CCSER1: variants seen among roughly 807,000 people sequenced by gnomAD.
CCSER1 encodes the protein serine-rich coiled-coil domain-containing protein 1.
Under a neutral mutation model 82.0 loss-of-function variants are expected in CCSER1, and 41 were observed. That is an observed-to-expected ratio of 0.50 (90% confidence interval 0.39 to 0.65). The LOEUF (loss-of-function observed/expected upper bound fraction) is 0.65, where lower values mean the gene tolerates loss of function less well. Ranked by LOEUF, CCSER1 falls within the 30% of genes least tolerant of loss-of-function variation. The pLI is 0.00. For synonymous variants in CCSER1, 414 were observed against 383.9 expected (o/e 1.08, Z -0.92); for missense variants, 1,119 against 1,064.2 (o/e 1.05, Z -0.72).
chr4:90,980,118 A>G (rs1735976157), intron 9 of CCSER1, among the ~76,000 whole-genome samples: 1 of 151,904 alleles, frequency 6.6e-6, no homozygotes, highest in Non-Finnish European at 1.5e-5. Context: ...ATTTCTGGAA[A>G]GGTGATACTT....
chr4:90,798,918 C>A (rs752531548), intron 7 of CCSER1, among the ~76,000 whole-genome samples: 1 of 152,148 alleles, frequency 6.6e-6, no homozygotes, highest in South Asian at 2.1e-4. Flanking sequence ...TCACAACACT[C>A]TGATGGGTGG....
intron 10 of CCSER1, among the ~76,000 whole-genome samples, chr4:91,226,536 T>A (rs959215301): frequency 6.6e-6 from 1 of 151,964 alleles, no homozygotes; most frequent in South Asian, 2.1e-4. Context: ...GTGAAGTGAA[T>A]GGATAAATCT....
rs117846612 is a variant in CCSER1, at chr4:91,146,134, T to C, written c.2217+60140T>C. Among the ~76,000 whole-genome samples the C allele has an allele frequency of 3.7e-4, 57 of 152,320 alleles. 1 individual carries two copies. In the East Asian group the frequency reaches 9.3e-3, roughly 25 times the overall value. ...TTTGTTCATTTTTTAAAATTATTAT[T>C]TTTATGTTCATCTAACTGTACTGAT... is the stretch of plus-strand genomic sequence containing the variant. On this transcript the variant is annotated intron_variant, in intron 10 of 10. Transcript: ENST00000509176.
intron 6 of CCSER1, among the ~76,000 whole-genome samples, chr4:90,684,891 G>A (rs1457459479): frequency 1.3e-5 from 2 of 152,118 alleles, no homozygotes; most frequent in African/African-American, 4.8e-5. Flanking sequence ...GGCGTGACTT[G>A]CTCCTCCTTG....
intron 10 of CCSER1, among the ~76,000 whole-genome samples, chr4:91,478,687 T>G (rs1467393231): frequency 1.3e-5 from 2 of 151,918 alleles, no homozygotes; most frequent in Admixed American, 1.3e-4. Flanking sequence ...CGAAATGGTA[T>G]AACTATGGGC....
intron 3 of CCSER1, among the ~76,000 whole-genome samples, chr4:90,335,913 C>T (rs553069523): frequency 7.9e-5 from 12 of 152,230 alleles, no homozygotes; most frequent in South Asian, 4.1e-4. Context: ...CCATCACGCC[C>T]GACATAGATA....
At chr4:91,093,530 T>G (rs1348421991) in intron 10 of CCSER1, among the ~76,000 whole-genome samples, 3 of 152,236 alleles carry the variant, frequency 2.0e-5, no homozygotes, top group Non-Finnish European at 4.4e-5. Context: ...ACTTAAGTTT[T>G]GCCCAAGGGT....
At chr4:90,835,848 G>A (rs1761738486) in intron 8 of CCSER1, among the ~76,000 whole-genome samples, 1 of 151,882 alleles carries the variant, frequency 6.6e-6, no homozygotes, top group Non-Finnish European at 1.5e-5. Context: ...AGAATCTCAT[G>A]CCATTGTGAA....
chr4:90,510,075 C>T (rs1312601151), intron 5 of CCSER1, among the ~76,000 whole-genome samples: 1 of 152,050 alleles, frequency 6.6e-6, no homozygotes, highest in African/African-American at 2.4e-5. Flanking sequence ...CTTAGATGTG[C>T]TCATTCACAT....
intron 5 of CCSER1, among the ~76,000 whole-genome samples, chr4:90,601,156 C>A (rs1426630651): frequency 6.6e-6 from 1 of 151,832 alleles, no homozygotes; most frequent in African/African-American, 2.4e-5. Flanking sequence ...TTTATTCTTG[C>A]CTTATTTCAT....
At chr4:90,823,852 CTTTT>C (rs1174457768) in intron 8 of CCSER1, among the ~76,000 whole-genome samples, 1 of 151,698 alleles carries the variant, frequency 6.6e-6, no homozygotes, top group African/African-American at 2.4e-5. Context: ...TCTGCAGACT[CTTTT>C]TTTATTAAAC....
intron 7 of CCSER1, among the ~76,000 whole-genome samples, chr4:90,739,284 G>C (rs1157309036): frequency 6.6e-6 from 1 of 152,308 alleles, no homozygotes; most frequent in South Asian, 2.1e-4. Flanking sequence ...CCTGAAAGGG[G>C]GGCCTCAGGT....
chr4:91,271,817 C>T (rs986457009), intron 10 of CCSER1, among the ~76,000 whole-genome samples: 1 of 152,058 alleles, frequency 6.6e-6, no homozygotes, highest in African/African-American at 2.4e-5. Flanking sequence ...TGCAATGGCA[C>T]CATCTCAGCT....
chr4:91,529,998 G>A (rs1760944557), intron 10 of CCSER1, among the ~76,000 whole-genome samples: 1 of 152,060 alleles, frequency 6.6e-6, no homozygotes, highest in Non-Finnish European at 1.5e-5. Flanking sequence ...GCTGAACACT[G>A]AAACTTGTGC....
chr4:90,181,013 C>T (rs1160247017), intron 1 of CCSER1, among the ~76,000 whole-genome samples: 1 of 152,074 alleles, frequency 6.6e-6, no homozygotes, highest in Admixed American at 6.6e-5. Context: ...TAACAGTAAT[C>T]TTTACTTCAT....
intron 9 of CCSER1, among the ~76,000 whole-genome samples, chr4:90,983,740 G>T (rs531854236): frequency 6.6e-6 from 1 of 151,834 alleles, no homozygotes; most frequent in East Asian, 2.0e-4. Flanking sequence ...CACACACTTA[G>T]TCTGTAATAT....
chr4:90,552,165 C>A (rs1777597432), intron 5 of CCSER1, among the ~76,000 whole-genome samples: 1 of 152,094 alleles, frequency 6.6e-6, no homozygotes. Flanking sequence ...ATCACATTGG[C>A]CATTAAGTTT....
At chr4:91,121,411 A>G (rs907364022) in intron 10 of CCSER1, among the ~76,000 whole-genome samples, 4 of 151,756 alleles carry the variant, frequency 2.6e-5, no homozygotes, top group African/African-American at 9.7e-5. Context: ...TCTACTGTGT[A>G]AGGAAAAGAA....
intron 9 of CCSER1, among the ~76,000 whole-genome samples, chr4:91,011,134 C>T (rs1738971309): frequency 7.4e-6 from 1 of 134,426 alleles, no homozygotes; most frequent in Non-Finnish European, 1.7e-5. Context: ...GACTCTGGTT[C>T]TGAGTAAATG....
Sources: gnomAD v4.1 joint callset for allele counts (sites outside exome capture counted in the v4.1 genomes callset) on GRCh38, gnomAD v4.1.1 for gene constraint, MANE v1.5 for transcripts, NCBI Gene and HGNC (gene_info 2026-07-23, HGNC 2026-07-21) for gene names.